The following ADGRB1 variants were observed in gnomAD, a reference collection of about 807,000 sequenced individuals.
ADGRB1 encodes the protein adhesion G protein-coupled receptor B1.
In ADGRB1, 36 loss-of-function variants were observed where a neutral mutation model predicts 175.7. That is an observed-to-expected ratio of 0.20 (90% CI 0.16 to 0.27). The LOEUF is 0.27. Among genes scored for constraint, ADGRB1 ranks in the 10% least tolerant of loss-of-function variants. The pLI, the probability that ADGRB1 is intolerant of heterozygous loss-of-function variation, is 1.00. For synonymous variants in ADGRB1, 1,054 were observed against 979.4 expected, an observed-to-expected ratio of 1.08 and a Z score of -1.42; for missense variants, 1,731 against 2,255.3, an observed-to-expected ratio of 0.77 and a Z score of 4.71.
chr8:142,538,012 G>T (rs1217333099), intron 26 of ADGRB1, among the ~76,000 whole-genome samples: 1 of 152,188 alleles, frequency 6.6e-6, no homozygotes, highest in East Asian at 1.9e-4. Context: ...TAGGCCTCAG[G>T]ACAGCATCCA....
intron 13 of ADGRB1, among the ~76,000 whole-genome samples, chr8:142,486,475 C>G (rs113281331): frequency 0.03 from 4,511 of 152,272 alleles, 232 homozygotes; most frequent in African/African-American, 0.1. Context: ...CATCTCGGCA[C>G]AAGGTGCTTG....
In ADGRB1 at chr8:142,474,916, G is replaced by C. The variant is rs367961397; in HGVS notation, c.785-558G>C. On this transcript the variant is annotated intron_variant, in intron 2 of 30. Coordinates refer to ENST00000517894, the MANE Select transcript of ADGRB1 (RefSeq NM_001702.3). This position sits in a 1 kb window ranked among gnomAD's most constrained non-coding sequence, Gnocchi z 5.8. ...GTTCGAGGCCCTGGTTGGACACCAG[G>C]TGTGAGGCCTTGATCACCACTGGTA... is the stretch of plus-strand genomic sequence containing the variant. Among the ~76,000 whole-genome samples the C allele has an allele frequency of 1.4e-4, 21 of 152,278 alleles. No homozygotes were observed. Among genetic ancestry groups the C allele is most frequent in the African/African-American group, 4.8e-4 (20 of 41,558 alleles).
chr8:142,463,243 A>G (rs1840066474), intron 1 of ADGRB1, among the ~76,000 whole-genome samples: 1 of 152,112 alleles, frequency 6.6e-6, no homozygotes, highest in Non-Finnish European at 1.5e-5. Context: ...CACACGTGGG[A>G]GGGCCGAAAG....
At chr8:142,466,783 G>A (rs535208150) in intron 2 of ADGRB1, among the ~76,000 whole-genome samples, 2 of 152,260 alleles carry the variant, frequency 1.3e-5, no homozygotes, top group African/African-American at 4.8e-5. Flanking sequence ...GGAGGTGGGA[G>A]GCTGCAGGAG....
chr8:142,469,916 G>T (rs1274038123), intron 2 of ADGRB1, among the ~76,000 whole-genome samples: 1 of 152,224 alleles, frequency 6.6e-6, no homozygotes, highest in African/African-American at 2.4e-5. Context: ...TGTGCCCAGG[G>T]AGCGTTGTGC....
intron 17 of ADGRB1, among the ~76,000 whole-genome samples, chr8:142,497,424 G>A (rs1344453426): frequency 6.6e-6 from 1 of 152,134 alleles, no homozygotes; most frequent in Non-Finnish European, 1.5e-5. Context: ...TCCCCGGGTC[G>A]CTGTCAGCAG....
Position 142,477,295 on chromosome 8 carries a change from G to T in ADGRB1, c.1222+17G>T. On this transcript the variant is annotated intron_variant, in intron 5 of 30. Coordinates refer to ENST00000517894, the MANE Select transcript of ADGRB1 (RefSeq NM_001702.3). ...TGTGCCCAGGTGGGTGGGACCTTGG[G>T]CTGGGGCAGCGGACAGCCAGGGCAG... 3 of 1,588,714 alleles carry T rather than the reference G, an allele frequency of 1.9e-6. No individual in the cohort carries two copies. The South Asian group carries it at 3.3e-5, about 18-fold the overall frequency.
chr8:142,519,570 ATGGTGG>A (rs1335724561), intron 19 of ADGRB1, among the ~76,000 whole-genome samples: 2 of 137,354 alleles, frequency 1.5e-5, no homozygotes, highest in African/African-American at 5.5e-5. Flanking sequence ...GGTGATAGTG[ATGGTGG>A]TGGTGGTGGT....
chr8:142,469,661 G>T (rs1295855038), intron 2 of ADGRB1, among the ~76,000 whole-genome samples: 6 of 151,706 alleles, frequency 4.0e-5, no homozygotes, highest in African/African-American at 1.5e-4. Flanking sequence ...GAACGCAAGT[G>T]CGTGTGTGTG....
In ADGRB1 at chr8:142,522,164, C is replaced by A. The variant is rs369757378; in HGVS notation, c.3175+49C>A. 753 of 1,584,382 alleles carry A rather than the reference C, an allele frequency of 4.8e-4. 5 individuals are homozygous for A. In the African/African-American group the frequency reaches 8.3e-3, roughly 17 times the overall value. The stretch of plus-strand genomic sequence containing the variant: ...TCCTGGACAGATACCCTTCCTCCCC[C>A]ACTGCTTGTTCTGTCCTGGCAGCCC... On this transcript the variant is annotated intron_variant, in intron 21 of 30. Coordinates refer to ENST00000517894, the MANE Select transcript of ADGRB1 (RefSeq NM_001702.3).
At position 142,517,833 on chromosome 8, in the gene ADGRB1, T is replaced by C. The variant is rs533408625; in HGVS notation, c.2818-305T>C. 3.3e-5 allele frequency among the ~76,000 whole-genome samples: 5 copies of C among 152,288 alleles called. No homozygotes were observed. The East Asian group carries it at 9.7e-4, about 29-fold the overall frequency. On this transcript the variant is annotated intron_variant, in intron 18 of 30. Transcript: ENST00000517894. ...GTGTGGGGCTGGCGCCTGCCTGGAA[T>C]TGACGGGGTTCCGAGACATGATGGC...
chr8:142,533,204 T>G, intron 24 of ADGRB1, 91 bp from the exon 25 acceptor site: 1 of 1,329,608 alleles, frequency 7.5e-7, no homozygotes, highest in Non-Finnish European at 9.9e-7. Flanking sequence ...TAGGGCTGGG[T>G]CCCCACCGAG....
At chr8:142,480,408 A>G (rs1430746384) in intron 9 of ADGRB1, among the ~76,000 whole-genome samples, 1 of 152,142 alleles carries the variant, frequency 6.6e-6, no homozygotes, top group East Asian at 1.9e-4. Context: ...TCCTCTGCTC[A>G]GAGCTGCTGT....
rs1188046758 is a variant in ADGRB1, at chr8:142,543,179, C to T, written c.4414-224C>T. Among the ~76,000 whole-genome samples the T allele has an allele frequency of 1.3e-4, 20 of 152,094 alleles. No individual in the cohort carries two copies. The highest frequency in any genetic ancestry group is 1.9e-4 in the East Asian group (1 of 5,146). ...TCCTGGGGAGTGTGTCCCGGGTAGG[C>T]GAGCCGGACACCCCAGCCCAGCCTT... On this transcript the variant is annotated intron_variant, in intron 28 of 30. Coordinates refer to ENST00000517894, the MANE Select transcript of ADGRB1 (RefSeq NM_001702.3). The surrounding 1 kb of genome is among the most constrained non-coding windows in gnomAD (Gnocchi z 4.4).
chr8:142,535,593 G>A (rs1476721810), intron 25 of ADGRB1, among the ~76,000 whole-genome samples: 1 of 152,168 alleles, frequency 6.6e-6, no homozygotes, highest in African/African-American at 2.4e-5. Flanking sequence ...GGCCATGCCG[G>A]GCAGCCCAGC....
chr8:142,454,722 C>A (rs563291130), intron 1 of ADGRB1, among the ~76,000 whole-genome samples: 1 of 152,120 alleles, frequency 6.6e-6, no homozygotes, highest in African/African-American at 2.4e-5. Context: ...CCCCTTCCCC[C>A]GCAAAGCACA....
intron 1 of ADGRB1, among the ~76,000 whole-genome samples, chr8:142,452,144 C>T (rs1839388955): frequency 6.6e-6 from 1 of 152,216 alleles, no homozygotes; most frequent in Non-Finnish European, 1.5e-5. Context: ...CCCACGCCCT[C>T]CCTTCGGCTC....
In ADGRB1 at chr8:142,474,915, G is replaced by C. The variant is rs1202327434; in HGVS notation, c.785-559G>C. Among the ~76,000 whole-genome samples the C allele has an allele frequency of 6.6e-6, 1 of 152,160 alleles. No homozygotes were observed. Among genetic ancestry groups the C allele is most frequent in the Non-Finnish European group, 1.5e-5 (1 of 68,016 alleles). ...GGTTCGAGGCCCTGGTTGGACACCA[G>C]GTGTGAGGCCTTGATCACCACTGGT... On this transcript the variant is annotated intron_variant, in intron 2 of 30. Coordinates refer to ENST00000517894, the MANE Select transcript of ADGRB1 (RefSeq NM_001702.3). The surrounding 1 kb of genome is among the most constrained non-coding windows in gnomAD (Gnocchi z 5.8).
chr8:142,532,321 A>G (rs1360101878), intron 24 of ADGRB1, among the ~76,000 whole-genome samples: 2 of 152,286 alleles, frequency 1.3e-5, no homozygotes, highest in South Asian at 2.1e-4. Context: ...TGGTGTCCCC[A>G]CTGTGAGCAG....
Sources: gnomAD v4.1 joint callset for allele counts (sites outside exome capture counted in the v4.1 genomes callset) on GRCh38, gnomAD v4.1.1 for gene constraint, Gnocchi (gnomAD v3.1) non-coding constraint, MANE v1.5 for transcripts, NCBI Gene and HGNC (gene_info 2026-07-23, HGNC 2026-07-21) for gene names.